The following OR5P3 variants were observed in gnomAD, a reference collection of about 807,000 sequenced individuals.
The protein encoded by OR5P3 is olfactory receptor family 5 subfamily P member 3.
For synonymous variants in OR5P3, 172 were observed against 141.8 expected (o/e 1.21, Z -1.51); for missense variants, 415 against 375.6 (o/e 1.10, Z -0.87).
At chr11:7,829,341 A>G (rs1389694142) in intron 1 of OR5P3, among the ~76,000 whole-genome samples, 1 of 152,090 alleles carries the variant, frequency 6.6e-6, no homozygotes, top group Non-Finnish European at 1.5e-5. Flanking sequence ...AACATAAGCA[A>G]TTTATCTTGG....
At chr11:7,827,807 AT>A (rs1246610032) in intron 1 of OR5P3, among the ~76,000 whole-genome samples, 1 of 152,066 alleles carries the variant, frequency 6.6e-6, no homozygotes, top group Non-Finnish European at 1.5e-5. Flanking sequence ...AGGAAAACAA[AT>A]TTTTTTTGAA....
At position 7,825,821 on chromosome 11, in the gene OR5P3, C is replaced by A; in HGVS notation, c.152G>T (p.Arg51Ile). The A allele has an allele frequency of 6.2e-7, 1 of 1,613,126 alleles. No homozygotes were observed. Among genetic ancestry groups the A allele is most frequent in the Non-Finnish European group, 8.5e-7 (1 of 1,179,988 alleles). ...GNISIIVLIR[R>I]SHHLHTPMYI... ...CATGGGTGTATGAAGATGATGACTT[C>A]TTCTGATCAATACAATTATGCTGAT... Residue 51 changes from arginine (R) to isoleucine (I), a missense_variant, in exon 2 of 2, where the codon AGA (arginine) becomes ATA (isoleucine). Arg to Ile is a moderately conservative substitution (Grantham distance 97). Coordinates refer to ENST00000641167, the MANE Select transcript of OR5P3 (RefSeq NM_153445.2).
Position 7,825,980 on chromosome 11 carries a change from G to A in OR5P3, c.-8C>T. On this transcript the variant is annotated 5_prime_UTR_variant, in exon 2 of 2. Transcript: ENST00000641167. ...GTCATTTCCAGTCCCCATCTATATT[G>A]GGAATGGTGCCAACTGAAAGAAAAA... The A allele has an allele frequency of 7.2e-7, 1 of 1,394,450 alleles. No homozygotes were observed. Among genetic ancestry groups the A allele is most frequent in the Non-Finnish European group, 9.8e-7 (1 of 1,016,900 alleles). The allele number at this position is 1,394,450 out of a possible 1,614,324, so 86.4% of individuals were successfully genotyped here. A position where few individuals can be genotyped will look rare whatever the true frequency, so the allele number is the denominator to read the frequency against.
At chr11:7,829,790 A>T (rs961647676) in intron 1 of OR5P3, among the ~76,000 whole-genome samples, 7 of 152,108 alleles carry the variant, frequency 4.6e-5, no homozygotes, top group African/African-American at 1.7e-4. Context: ...GTGTTTTTTT[A>T]AAAAAGTAGA....
rs387498 is a variant in OR5P3 at position 7,828,582 on chromosome 11, A to C, written c.-22+2242T>G. Among the ~76,000 whole-genome samples the C allele has an allele frequency of 2.6e-5, 4 of 152,192 alleles. No individual in the cohort carries two copies. In the East Asian group the frequency reaches 7.7e-4, roughly 29 times the overall value. ...CAACTCAGCTGACCTGGAGTGACTT[A>C]ACAGTTTTGAGGCAATCCCAGTATC... On this transcript the variant is annotated intron_variant, in intron 1 of 1. Transcript: ENST00000641167.
intron 1 of OR5P3, among the ~76,000 whole-genome samples, chr11:7,826,537 C>T (rs1038436919): frequency 2.0e-5 from 3 of 152,082 alleles, no homozygotes; most frequent in Non-Finnish European, 4.4e-5. Context: ...AGCTGTGGTC[C>T]CCACCCAGAG....
chr11:7,829,199 T>C (rs901020674), intron 1 of OR5P3, among the ~76,000 whole-genome samples: 10 of 152,142 alleles, frequency 6.6e-5, no homozygotes, highest in Non-Finnish European at 8.8e-5. Flanking sequence ...CCAAAGGGCA[T>C]CAGCAAGATG....
intron 1 of OR5P3, among the ~76,000 whole-genome samples, chr11:7,830,174 TTCTC>T (rs747589967): frequency 1.3e-5 from 2 of 152,132 alleles, no homozygotes; most frequent in African/African-American, 2.4e-5. Context: ...TGCTGTCTCT[TTCTC>T]TCTCTCACAC....
chr11:7,827,067 C>A (rs735063), intron 1 of OR5P3, among the ~76,000 whole-genome samples: 75,235 of 152,018 alleles, frequency 0.49, 22,051 homozygotes, highest in Non-Finnish European at 0.64. Context: ...ATAGATAATA[C>A]ACACCATTGT....
At position 7,825,247 on chromosome 11, in the gene OR5P3, G is replaced by A. The variant is rs752427289; in HGVS notation, c.726C>T (p.Thr242=). 2.5e-6 allele frequency: 4 copies of A among 1,613,012 alleles called. No individual in the cohort carries two copies. Among genetic ancestry groups the A allele is most frequent in the East Asian group, 2.2e-5 (1 of 44,822 alleles). The change falls in exon 2 of 2, where the codon ACC becomes ACT. Residue 242 remains threonine, a synonymous_variant. Transcript: ENST00000641167. ...KGRHKAFSTC[T]SHLTAVTLFY... Reference sequence around the variant, plus strand: ...ACAGAGTGACTGCAGTGAGGTGGGAGGTGCAGGTGGAGAAGGCCTTGTGGC... The same window carrying A: ...ACAGAGTGACTGCAGTGAGGTGGGAAGTGCAGGTGGAGAAGGCCTTGTGGC...
intron 1 of OR5P3, 39 bp from the exon 2 acceptor site, chr11:7,826,032 T>C: frequency 1.1e-6 from 1 of 917,844 alleles, no homozygotes; most frequent in South Asian, 1.7e-5. Context: ...TGGGATTAAA[T>C]GCTATAATTG....
intron 1 of OR5P3, among the ~76,000 whole-genome samples, chr11:7,826,286 A>C (rs542391197): frequency 1.3e-5 from 2 of 152,152 alleles, no homozygotes; most frequent in Non-Finnish European, 2.9e-5. Flanking sequence ...TGACCACTAG[A>C]ATATATAAAG....
intron 1 of OR5P3, 47 bp from the exon 2 acceptor site, chr11:7,826,040 T>C (rs962158916): frequency 2.3e-5 from 20 of 887,172 alleles, no homozygotes; most frequent in Admixed American, 7.6e-5. Context: ...AATGCTATAA[T>C]TGCACACTTA....
intron 1 of OR5P3, among the ~76,000 whole-genome samples, chr11:7,830,203 T>TAC (rs969404243): frequency 6.6e-6 from 1 of 152,110 alleles, no homozygotes; most frequent in Non-Finnish European, 1.5e-5. Context: ...ACCACATGCA[T>TAC]ACACACACAC....
At position 7,825,976 on chromosome 11, in the gene OR5P3, T is replaced by C. The variant is rs1482794; in HGVS notation, c.-4A>G. The C allele has an allele frequency of 0.051, 74,780 of 1,463,148 alleles. 3,061 individuals are homozygous for C. Among genetic ancestry groups the C allele is most frequent in the African/African-American group, 0.15 (10,080 of 65,362 alleles). 90.6% of individuals were successfully genotyped at this position (1,463,148 alleles called of 1,614,324 possible). The stretch of plus-strand genomic sequence containing the variant: ...TGGTGTCATTTCCAGTCCCCATCTA[T>C]ATTGGGAATGGTGCCAACTGAAAGA... On this transcript the variant is annotated 5_prime_UTR_variant, in exon 2 of 2. In the 5' UTR this introduces an upstream ATG that the reference lacks. Coordinates refer to ENST00000641167, the MANE Select transcript of OR5P3 (RefSeq NM_153445.2).
chr11:7,829,472 G>GCAGT (rs1452104953), intron 1 of OR5P3, among the ~76,000 whole-genome samples: 1 of 152,030 alleles, frequency 6.6e-6, no homozygotes, highest in African/African-American at 2.4e-5. Flanking sequence ...GAATCATCAA[G>GCAGT]CAGTCACAAT....
intron 1 of OR5P3, among the ~76,000 whole-genome samples, chr11:7,827,615 C>A (rs2361056): frequency 0.49 from 74,987 of 151,932 alleles, 21,905 homozygotes; most frequent in Non-Finnish European, 0.63. Flanking sequence ...CAAAATGGTT[C>A]TAGCCTTTCT....
At chr11:7,829,605 T>C (rs1459085406) in intron 1 of OR5P3, among the ~76,000 whole-genome samples, 1 of 152,190 alleles carries the variant, frequency 6.6e-6, no homozygotes, top group Non-Finnish European at 1.5e-5. Flanking sequence ...GGATTCAGCA[T>C]AGTAAATTAA....
At chr11:7,826,808 A>G (rs1349211799) in intron 1 of OR5P3, among the ~76,000 whole-genome samples, 1 of 152,254 alleles carries the variant, frequency 6.6e-6, no homozygotes, top group South Asian at 2.1e-4. Context: ...AGCTGGGGCT[A>G]GGTTGCTAAC....
Sources: gnomAD v4.1 joint callset for allele counts (sites outside exome capture counted in the v4.1 genomes callset) on GRCh38, gnomAD v4.1.1 for gene constraint, MANE v1.5 for transcripts, NCBI Gene and HGNC (gene_info 2026-07-23, HGNC 2026-07-21) for gene names.